Variants in ACACA observed in about 807,000 individuals in gnomAD.
ACACA encodes the protein acetyl-CoA carboxylase 1.
A neutral mutation model predicts 296.1 loss-of-function variants in ACACA; 103 were observed. The observed-to-expected ratio is 0.35, with a 90% CI of 0.30 to 0.41. ACACA has a LOEUF of 0.41. Ranked by LOEUF, ACACA falls within the 10% of genes least tolerant of loss-of-function variation. The pLI is 1.00. For missense variants in ACACA, 1,554 were observed against 2,989.7 expected (o/e 0.52, Z 11.20); for synonymous variants, 953 against 1,038.6 (o/e 0.92, Z 1.58).
At chr17:37,229,300 T>C (rs571456747) in intron 25 of ACACA, among the ~76,000 whole-genome samples, 1 of 152,236 alleles carries the variant, frequency 6.6e-6, no homozygotes, top group South Asian at 2.1e-4. Context: ...GATCATGTTT[T>C]GTTCTGTTTT....
intron 45 of ACACA, chr17:37,143,641 T>G: frequency 3.4e-6 from 3 of 885,788 alleles, no homozygotes; most frequent in Non-Finnish European, 5.3e-6. Context: ...GGGGGTTAAA[T>G]GCTTTATAGA....
In ACACA at chr17:37,274,486, A is replaced by G. The variant is rs1409822270; in HGVS notation, c.902-187T>C. On this transcript the variant is annotated intron_variant, in intron 8 of 55. Transcript: ENST00000616317. Reference sequence around the variant, plus strand: ...GATTTAGCCACAGCATGACCCGGCAACTTGGGTTCTTAACGCTGGCAAAAG... The same window carrying G: ...GATTTAGCCACAGCATGACCCGGCAGCTTGGGTTCTTAACGCTGGCAAAAG... The G allele has an allele frequency of 1.9e-5, 11 of 580,342 alleles. No homozygotes were observed. The Admixed American group carries it at 7.0e-4, about 37-fold the overall frequency. The allele number at this position is 580,342 out of a possible 1,614,324, so 35.9% of individuals were successfully genotyped here. A position where few individuals can be genotyped will look rare whatever the true frequency, so the allele number is the denominator to read the frequency against.
rs1165610232 is a variant in ACACA, at chr17:37,113,881, GAGAA to G, written c.6275-620_6275-617del. Among the ~76,000 whole-genome samples, 3 of 152,186 alleles carry G rather than the reference GAGAA, an allele frequency of 2.0e-5. No homozygotes were observed. The highest frequency in any genetic ancestry group is 2.1e-4 in the South Asian group (1 of 4,828). ...TTATATACTCTGGAAAGAATATAAT[GAGAA>G]AGAAAGACAAATTCTTTAACAGTTG... is the stretch of plus-strand genomic sequence containing the variant. On this transcript the variant is annotated intron_variant, in intron 50 of 55. Coordinates refer to ENST00000616317, the MANE Select transcript of ACACA (RefSeq NM_198834.3). The surrounding 1 kb of genome is among the most constrained non-coding windows in gnomAD (Gnocchi z 4.0).
At chr17:37,347,348 G>A (rs1003205563) in intron 1 of ACACA, among the ~76,000 whole-genome samples, 7 of 152,058 alleles carry the variant, frequency 4.6e-5, no homozygotes, top group African/African-American at 9.7e-5. Flanking sequence ...GTCCAGTCTC[G>A]AGTATGTCTT....
chr17:37,210,423 C>T (rs1461202155), intron 30 of ACACA, 44 bp downstream of exon 30: 1 of 1,565,902 alleles, frequency 6.4e-7, no homozygotes, highest in South Asian at 1.1e-5. Context: ...TTCTAAGTTA[C>T]ATAAAGGTGC....
At chr17:37,334,888 G>A (rs956799708) in intron 2 of ACACA, among the ~76,000 whole-genome samples, 1 of 152,004 alleles carries the variant, frequency 6.6e-6, no homozygotes, top group Non-Finnish European at 1.5e-5. Context: ...ACACCCATAT[G>A]CCCCACAACT....
chr17:37,106,540 G>T (rs11654466), intron 52 of ACACA, among the ~76,000 whole-genome samples: 21,095 of 151,982 alleles, frequency 0.14, 2,069 homozygotes, highest in Admixed American at 0.31. Flanking sequence ...TATATTAATA[G>T]AAAACCCAGA....
chr17:37,216,115 T>TA (rs2078970508), intron 29 of ACACA, among the ~76,000 whole-genome samples: 1 of 103,908 alleles, frequency 9.6e-6, no homozygotes, highest in Non-Finnish European at 1.9e-5. Context: ...GCTAAGAAGG[T>TA]AAAAAAGGAA....
intron 39 of ACACA, among the ~76,000 whole-genome samples, chr17:37,186,609 A>C (rs2077543316): frequency 6.6e-6 from 1 of 152,238 alleles, no homozygotes; most frequent in African/African-American, 2.4e-5. Flanking sequence ...GTCTAGCCAC[A>C]GGCTCAAAAG....
intron 3 of ACACA, among the ~76,000 whole-genome samples, chr17:37,306,980 G>A (rs897064336): frequency 2.6e-5 from 4 of 152,086 alleles, no homozygotes; most frequent in Admixed American, 6.5e-5. Context: ...TTACAGGCGT[G>A]AGCCACCACG....
chr17:37,303,524 G>A (rs1302912589), intron 3 of ACACA, among the ~76,000 whole-genome samples: 1 of 152,166 alleles, frequency 6.6e-6, no homozygotes. Flanking sequence ...GAAGCTGCCA[G>A]ATCATATGGT....
intron 43 of ACACA, among the ~76,000 whole-genome samples, chr17:37,154,264 A>G (rs1214150978): frequency 6.6e-6 from 1 of 152,166 alleles, no homozygotes; most frequent in Non-Finnish European, 1.5e-5. Flanking sequence ...CTATGATCAC[A>G]CCACTGCATC....
At chr17:37,307,126 C>A (rs1425373216) in intron 3 of ACACA, among the ~76,000 whole-genome samples, 1 of 152,142 alleles carries the variant, frequency 6.6e-6, no homozygotes, top group African/African-American at 2.4e-5. Context: ...ATATGATATA[C>A]CATGATTTAC....
chr17:37,155,802 T>C (rs749422070), intron 42 of ACACA, 22 bp from the exon 43 acceptor site: 4 of 1,472,504 alleles, frequency 2.7e-6, no homozygotes, highest in Non-Finnish European at 3.8e-6. Flanking sequence ...AAATAGTTTT[T>C]AACTCATTAT....
chr17:37,362,078 C>CA (rs1214531510), intron 1 of ACACA, among the ~76,000 whole-genome samples: 1 of 152,164 alleles, frequency 6.6e-6, no homozygotes, highest in Non-Finnish European at 1.5e-5. Flanking sequence ...GACGAGGACA[C>CA]AGACACACAT....
In ACACA at chr17:37,122,658, A is replaced by G. The variant is rs767049164; in HGVS notation, c.6042-31T>C. 10 of 1,568,378 alleles carry G rather than the reference A, an allele frequency of 6.4e-6. No homozygotes were observed. In the South Asian group the frequency reaches 1.0e-4, roughly 16 times the overall value. On this transcript the variant is annotated intron_variant, in intron 48 of 55. Transcript: ENST00000616317. ...AAAACATGAGTCACATAAGAACCCA[A>G]TGTATGTCAACATTATAGCTAGCCA... is the stretch of plus-strand genomic sequence containing the variant.
intron 12 of ACACA, among the ~76,000 whole-genome samples, chr17:37,258,686 T>C (rs535545395): frequency 3.3e-5 from 5 of 152,330 alleles, no homozygotes; most frequent in African/African-American, 7.2e-5. Context: ...TAAATGTTAA[T>C]AGCCATCCAA....
chr17:37,225,249 T>C, intron 26 of ACACA, 144 bp from the exon 27 acceptor site: 2 of 656,136 alleles, frequency 3.0e-6, no homozygotes, highest in Non-Finnish European at 5.6e-6. Context: ...TAAAACAACT[T>C]CTAGGTCCTG....
chr17:37,254,139 A>G (rs1388483515), intron 14 of ACACA, among the ~76,000 whole-genome samples: 1 of 152,092 alleles, frequency 6.6e-6, no homozygotes, highest in African/African-American at 2.4e-5. Context: ...AAGAAAGAAC[A>G]TAAATACAAT....
Sources: gnomAD v4.1 joint callset for allele counts (sites outside exome capture counted in the v4.1 genomes callset) on GRCh38, gnomAD v4.1.1 for gene constraint, Gnocchi (gnomAD v3.1) non-coding constraint, MANE v1.5 for transcripts, NCBI Gene and HGNC (gene_info 2026-07-23, HGNC 2026-07-21) for gene names.